TTC39A: variants seen among roughly 807,000 people sequenced by gnomAD.
TTC39A encodes tetratricopeptide repeat domain 39A, also known as tetratricopeptide repeat protein 39A.
TTC39A carries 46 observed loss-of-function variants against 82.3 expected under a neutral mutation model. The observed-to-expected ratio is 0.56, with a 90% CI of 0.44 to 0.71. TTC39A has a LOEUF of 0.71. Ranked by LOEUF, TTC39A falls within the 30% of genes least tolerant of loss-of-function variation. The probability of loss-of-function intolerance (pLI) is 0.00; values close to 1 mark genes in which losing one functional copy is unlikely to be tolerated. For missense variants in TTC39A, 543 were observed against 712.9 expected (o/e 0.76, Z 2.71); for synonymous variants, 254 against 275.2 (o/e 0.92, Z 0.76).
At position 51,288,894 on chromosome 1, in the gene TTC39A, G is replaced by A; in HGVS notation, c.1555C>T (p.Leu519=). 1 of 1,612,572 alleles carries A rather than the reference G, an allele frequency of 6.2e-7. No homozygotes were observed. Among genetic ancestry groups the A allele is most frequent in the Non-Finnish European group, 8.5e-7 (1 of 1,179,380 alleles). Reference sequence around the variant, plus strand: ...TCGTTTCTGTCTTGCTCCATAAGCAGCAGGGCCAGCTCCAGCAGGGCGTTT... The same window carrying A: ...TCGTTTCTGTCTTGCTCCATAAGCAACAGGGCCAGCTCCAGCAGGGCGTTT... The part of the protein sequence containing the change: ...IPNALLELAL[L]LMEQDRNEEA... The change falls in exon 17 of 18, where the codon CTG becomes TTG. Residue 519 remains leucine (L), a synonymous_variant. Transcript: ENST00000680483. The surrounding 1 kb of genome is among the most constrained non-coding windows in gnomAD (Gnocchi z 4.8).
chr1:51,321,776 G>A lies in TTC39A; in HGVS notation c.91C>T (p.Leu31=), dbSNP rs1453321789. ...HEALDQCMTA[L]DLFLTNQFSE... is the part of the protein sequence containing the mutation. The stretch of plus-strand genomic sequence containing the variant: ...AACTGGTTGGTGAGGAAGAGGTCCA[G>A]GGCGGTCATGCACTGGTCCAGGGCC... The change falls in exon 2 of 18, where the codon CTG becomes TTG. Residue 31 remains leucine (L), a synonymous_variant. Coordinates refer to ENST00000680483, the MANE Select transcript of TTC39A (RefSeq NM_001297663.2). The surrounding 1 kb of genome is among the most constrained non-coding windows in gnomAD (Gnocchi z 4.6). The A allele has an allele frequency of 6.2e-7, 1 of 1,613,868 alleles. No homozygotes were observed. The highest frequency in any genetic ancestry group is 1.3e-5 in the African/African-American group (1 of 74,928).
chr1:51,300,852 G>A (rs1475284513), intron 12 of TTC39A: 1 of 152,188 alleles, frequency 6.6e-6, no homozygotes, highest in Admixed American at 6.5e-5. Flanking sequence ...CCAGGCATTG[G>A]CAGGTGACAA....
upstream of TTC39A, among the ~76,000 whole-genome samples, chr1:51,333,858 C>A (rs552043858): frequency 6.6e-6 from 1 of 152,314 alleles, no homozygotes; most frequent in Admixed American, 6.5e-5. Flanking sequence ...AATGCGGGGC[C>A]TAGCACTTTA....
chr1:51,292,655 T>C (rs1364435791), intron 14 of TTC39A, among the ~76,000 whole-genome samples: 1 of 152,168 alleles, frequency 6.6e-6, no homozygotes, highest in Non-Finnish European at 1.5e-5. Context: ...GGTCTTGAAC[T>C]CCTGGTCTCA....
intron 1 of TTC39A, chr1:51,326,070 G>A (rs1645703570): frequency 6.6e-6 from 1 of 152,280 alleles, no homozygotes; most frequent in African/African-American, 2.4e-5. Flanking sequence ...CTGGGCTCTG[G>A]GGACACAGAG....
intron 8 of TTC39A, among the ~76,000 whole-genome samples, chr1:51,304,192 C>T (rs1308642271): frequency 6.6e-6 from 1 of 152,126 alleles, no homozygotes; most frequent in Non-Finnish European, 1.5e-5. Context: ...GATGGCTGGG[C>T]CCTCGTGGTA....
upstream of TTC39A, among the ~76,000 whole-genome samples, chr1:51,333,196 A>G (rs1234314382): frequency 3.3e-5 from 5 of 150,104 alleles, no homozygotes; most frequent in Non-Finnish European, 5.9e-5. Context: ...TGGGTTAACA[A>G]GAGCAAAACT....
At chr1:51,303,035 C>A in intron 9 of TTC39A, 49 bp downstream of exon 9, 1 of 1,507,260 alleles carries the variant, frequency 6.6e-7, no homozygotes, top group Non-Finnish European at 9.0e-7. Context: ...TCTCCTTCCC[C>A]CTTGGAGACG....
At position 51,294,311 on chromosome 1, in the gene TTC39A, C is replaced by T; in HGVS notation, c.1266+80G>A. Reference sequence around the variant, plus strand: ...GCATGAAGGTCTTTCTCCTCATCCACCTCCCCCTGGCTGTGGCTCTCAGTG... The same window carrying T: ...GCATGAAGGTCTTTCTCCTCATCCATCTCCCCCTGGCTGTGGCTCTCAGTG... On this transcript the variant is annotated intron_variant, in intron 14 of 17. Coordinates refer to ENST00000680483, the MANE Select transcript of TTC39A (RefSeq NM_001297663.2). This position sits in a 1 kb window ranked among gnomAD's most constrained non-coding sequence, Gnocchi z 4.3. 6.3e-7 allele frequency: 1 copy of T among 1,598,512 alleles called. No homozygotes were observed. The highest frequency in any genetic ancestry group is 8.5e-7 in the Non-Finnish European group (1 of 1,170,230).
chr1:51,318,186 G>A (rs906161840), intron 2 of TTC39A, among the ~76,000 whole-genome samples: 6 of 152,194 alleles, frequency 3.9e-5, no homozygotes, highest in Admixed American at 2.0e-4. Flanking sequence ...TGCTTGGGGT[G>A]TGGGACCGGC....
chr1:51,314,947 G>A (rs911900303), intron 2 of TTC39A, among the ~76,000 whole-genome samples: 16 of 152,158 alleles, frequency 1.1e-4, no homozygotes, highest in Admixed American at 3.3e-4. Flanking sequence ...CGTGTCCTGC[G>A]TCACTTCCCT....
At chr1:51,303,365 A>T (rs539989261) in intron 8 of TTC39A, among the ~76,000 whole-genome samples, 173 bp from the exon 9 acceptor site, 8 of 152,318 alleles carry the variant, frequency 5.3e-5, no homozygotes, top group African/African-American at 1.9e-4. Flanking sequence ...GCCCCAGCAC[A>T]TTCCTGGGAG....
At chr1:51,322,192 C>A (rs1211511645) in intron 1 of TTC39A, 2 of 1,535,338 alleles carry the variant, frequency 1.3e-6, no homozygotes, top group Admixed American at 4.2e-5. Context: ...GGGGGTGCAG[C>A]CCAGCCACTA....
chr1:51,288,796 T>C lies in TTC39A; in HGVS notation c.1610+43A>G. 1.3e-6 allele frequency: 2 copies of C among 1,544,688 alleles called. No individual in the cohort carries two copies. Among genetic ancestry groups the C allele is most frequent in the Non-Finnish European group, 1.8e-6 (2 of 1,138,064 alleles). On this transcript the variant is annotated intron_variant, in intron 17 of 17. Coordinates refer to ENST00000680483, the MANE Select transcript of TTC39A (RefSeq NM_001297663.2). The surrounding 1 kb of genome is among the most constrained non-coding windows in gnomAD (Gnocchi z 4.8). ...GTCCCCAGCCAGCTCCTGAGCTGAG[T>C]TCAGAGGGAGCAAAGGACAGACTGA...
chr1:51,326,520 A>C (rs1173662800), intron 1 of TTC39A, among the ~76,000 whole-genome samples: 1 of 152,260 alleles, frequency 6.6e-6, no homozygotes, highest in African/African-American at 2.4e-5. Flanking sequence ...AATAGCATTA[A>C]CAACCAACCA....
At chr1:51,323,212 C>T (rs752877660) in intron 1 of TTC39A, among the ~76,000 whole-genome samples, 3 of 152,104 alleles carry the variant, frequency 2.0e-5, no homozygotes, top group Non-Finnish European at 2.9e-5. Context: ...TTGCCACATC[C>T]CTTCTCTGGC....
chr1:51,322,853 G>C (rs1645577881), intron 1 of TTC39A, among the ~76,000 whole-genome samples: 1 of 152,102 alleles, frequency 6.6e-6, no homozygotes, highest in African/African-American at 2.4e-5. Context: ...TCTCCACCAG[G>C]TAAACTCCTA....
At chr1:51,343,714 T>A (rs573237044) in intron 1 of TTC39A, among the ~76,000 whole-genome samples, 43 of 152,328 alleles carry the variant, frequency 2.8e-4, no homozygotes, top group Non-Finnish European at 4.6e-4. Flanking sequence ...CAACAATGTG[T>A]GCTGAAAGGC....
upstream of TTC39A, chr1:51,330,594 G>A (rs990911768): frequency 9.2e-6 from 9 of 982,818 alleles, no homozygotes; most frequent in African/African-American, 1.8e-5. The surrounding 1 kb of genome is among the most constrained non-coding windows in gnomAD (Gnocchi z 4.5). Context: ...GGGGAGGGGC[G>A]CGCCGGGGGC....
Sources: allele counts gnomAD v4.1 joint callset (sites outside exome capture counted in the v4.1 genomes callset), GRCh38; gene constraint gnomAD v4.1.1; non-coding constraint Gnocchi (gnomAD v3.1); transcripts MANE v1.5; gene names NCBI Gene and HGNC (gene_info 2026-07-23, HGNC 2026-07-21).